Variants in PPFIA2 observed in about 807,000 individuals in gnomAD.
PPFIA2 encodes PPFI scaffold protein A2, also known as liprin-alpha-2.
Under a neutral mutation model 175.5 loss-of-function variants are expected in PPFIA2, and 46 were observed. The ratio of observed to expected loss-of-function variants is 0.26; its 90% CI spans 0.21 to 0.34. PPFIA2 has a LOEUF of 0.34. Among genes scored for constraint, PPFIA2 ranks in the 10% least tolerant of loss-of-function variants. The probability of loss-of-function intolerance (pLI) is 1.00; values close to 1 mark genes in which losing one functional copy is unlikely to be tolerated. For missense variants in PPFIA2, 1,179 were observed against 1,506.1 expected (o/e 0.78, Z 3.60); for synonymous variants, 568 against 511.4 (o/e 1.11, Z -1.49).
intron 4 of PPFIA2, among the ~76,000 whole-genome samples, chr12:81,670,416 C>A (rs1567802221): frequency 6.6e-6 from 1 of 151,902 alleles, no homozygotes; most frequent in Non-Finnish European, 1.5e-5. Flanking sequence ...CTCAGTCCCT[C>A]TTTATTTCAT....
At chr12:81,463,474 A>G (rs2055028392) in intron 4 of PPFIA2, among the ~76,000 whole-genome samples, 1 of 152,134 alleles carries the variant, frequency 6.6e-6, no homozygotes, top group South Asian at 2.1e-4. Context: ...TTCTTTTTCC[A>G]AAGAGCAAAG....
chr12:81,376,052 A>G, intron 9 of PPFIA2, 110 bp from the exon 10 acceptor site: 1 of 961,942 alleles, frequency 1.0e-6, no homozygotes, highest in Non-Finnish European at 1.5e-6. Context: ...TCTTGAAGTA[A>G]ATACTCATTC....
intron 13 of PPFIA2, 64 bp downstream of exon 13, chr12:81,368,661 T>C (rs1221154340): frequency 6.8e-7 from 1 of 1,474,978 alleles, no homozygotes; most frequent in Non-Finnish European, 9.2e-7. Flanking sequence ...TGATTGCAGC[T>C]GTATATAAAA....
Position 81,519,777 on chromosome 12 carries a change from A to G in PPFIA2, c.304-61911T>C, listed in dbSNP as rs145036594. Among the ~76,000 whole-genome samples, 257 of 152,288 alleles carry G rather than the reference A, an allele frequency of 1.7e-3. 2 individuals carry two copies. The highest frequency in any genetic ancestry group is 6.0e-3 in the African/African-American group (251 of 41,552). On this transcript the variant is annotated intron_variant, in intron 4 of 32. Coordinates refer to ENST00000549396, the MANE Select transcript of PPFIA2 (RefSeq NM_003625.5). ...CGAAGAAAGATTAATTTTAAAATGG[A>G]CTTTTCAGTTTATATACAGTCCCCC... is the stretch of plus-strand genomic sequence containing the variant.
At chr12:81,302,848 G>A (rs1470531668) in intron 22 of PPFIA2, among the ~76,000 whole-genome samples, 1 of 152,092 alleles carries the variant, frequency 6.6e-6, no homozygotes. Flanking sequence ...TGAGAGACAA[G>A]CAATGCTAGA....
chr12:81,431,723 C>G (rs962969082), intron 7 of PPFIA2, among the ~76,000 whole-genome samples: 4 of 152,136 alleles, frequency 2.6e-5, no homozygotes, highest in African/African-American at 9.7e-5. Flanking sequence ...CCTTGACCAT[C>G]TAATACATTT....
At chr12:81,411,088 C>T (rs189763906) in intron 7 of PPFIA2, among the ~76,000 whole-genome samples, 75 of 152,230 alleles carry the variant, frequency 4.9e-4, no homozygotes, top group African/African-American at 1.6e-3. Flanking sequence ...GAAGACAATA[C>T]AGAGTATGCA....
At chr12:81,437,529 G>A (rs1378959668) in intron 7 of PPFIA2, among the ~76,000 whole-genome samples, 2 of 152,062 alleles carry the variant, frequency 1.3e-5, no homozygotes, top group African/African-American at 2.4e-5. Context: ...CACCACACCT[G>A]GCCTATGGGA....
At chr12:81,753,744 T>G (rs2084216843) in intron 3 of PPFIA2, among the ~76,000 whole-genome samples, 1 of 152,212 alleles carries the variant, frequency 6.6e-6, no homozygotes, top group African/African-American at 2.4e-5. Context: ...TAACAAAGAC[T>G]GGATAAGAAC....
intron 15 of PPFIA2, among the ~76,000 whole-genome samples, chr12:81,361,127 G>A (rs992088997): frequency 6.6e-6 from 1 of 151,664 alleles, no homozygotes; most frequent in African/African-American, 2.4e-5. Flanking sequence ...GTAGATAAAT[G>A]TCACATTGTT....
chr12:81,419,515 A>G (rs1210019151), intron 7 of PPFIA2, among the ~76,000 whole-genome samples: 1 of 152,024 alleles, frequency 6.6e-6, no homozygotes, highest in African/African-American at 2.4e-5. Context: ...GTTACATGGT[A>G]TTCATTTTTT....
At chr12:81,692,035 A>G (rs2075301213) in intron 3 of PPFIA2, among the ~76,000 whole-genome samples, 1 of 151,360 alleles carries the variant, frequency 6.6e-6, no homozygotes, top group South Asian at 2.1e-4. Flanking sequence ...CTCTCCTGTG[A>G]TTAGGTTACT....
At chr12:81,351,184 C>T (rs555007152) in intron 17 of PPFIA2, among the ~76,000 whole-genome samples, 3 of 152,016 alleles carry the variant, frequency 2.0e-5, no homozygotes, top group East Asian at 1.9e-4. Flanking sequence ...TATTAGGGTA[C>T]TATATAGCAA....
At chr12:81,296,732 A>G (rs1379634972) in intron 23 of PPFIA2, 1 of 152,210 alleles carries the variant, frequency 6.6e-6, no homozygotes, top group East Asian at 1.9e-4. Context: ...TGGACCACAA[A>G]TCAGAAGACC....
chr12:81,576,054 G>A (rs2073477947), intron 4 of PPFIA2, among the ~76,000 whole-genome samples: 1 of 151,544 alleles, frequency 6.6e-6, no homozygotes, highest in Non-Finnish European at 1.5e-5. Flanking sequence ...TAGTCATACA[G>A]CCAACCATAG....
intron 25 of PPFIA2, 42 bp from the exon 26 acceptor site, chr12:81,283,081 T>C (rs369868137): frequency 1.3e-6 from 2 of 1,595,412 alleles, no homozygotes; most frequent in African/African-American, 2.7e-5. Flanking sequence ...CAGGTAAATA[T>C]AAATTAATTT....
chr12:81,570,699 C>T (rs1380654172), intron 4 of PPFIA2, among the ~76,000 whole-genome samples: 1 of 148,206 alleles, frequency 6.7e-6, no homozygotes, highest in Non-Finnish European at 1.5e-5. Context: ...TTTATAATTA[C>T]ATAAAAATAT....
intron 3 of PPFIA2, among the ~76,000 whole-genome samples, chr12:81,702,322 A>C (rs1019581798): frequency 6.6e-6 from 1 of 152,008 alleles, no homozygotes; most frequent in African/African-American, 2.4e-5. Flanking sequence ...AGTTACTATA[A>C]ATTTTTCTAT....
intron 7 of PPFIA2, among the ~76,000 whole-genome samples, chr12:81,415,439 G>C: frequency 6.7e-6 from 1 of 148,696 alleles, no homozygotes; most frequent in East Asian, 2.0e-4. Context: ...CACATTACCA[G>C]TAAGTTTCTG....
Sources: gnomAD v4.1 joint callset for allele counts (sites outside exome capture counted in the v4.1 genomes callset) on GRCh38, gnomAD v4.1.1 for gene constraint, MANE v1.5 for transcripts, NCBI Gene and HGNC (gene_info 2026-07-23, HGNC 2026-07-21) for gene names.